The following PLXNA2 variants were observed in gnomAD, a reference collection of about 807,000 sequenced individuals.
The protein encoded by PLXNA2 is plexin A2, also known as plexin-A2.
Under a neutral mutation model 193.5 loss-of-function variants are expected in PLXNA2, and 91 were observed. That is an observed-to-expected ratio of 0.47 (90% CI 0.40 to 0.56). The LOEUF (loss-of-function observed/expected upper bound fraction) is 0.56, where lower values mean the gene tolerates loss of function less well. PLXNA2 is among the 20% of genes least tolerant of loss of function. The probability of loss-of-function intolerance (pLI) is 0.00; values close to 1 mark genes in which losing one functional copy is unlikely to be tolerated. For synonymous variants in PLXNA2, 997 were observed against 1,027.3 expected (o/e 0.97, Z 0.56); for missense variants, 1,995 against 2,503.2 (o/e 0.80, Z 4.33).
intron 4 of PLXNA2, among the ~76,000 whole-genome samples, chr1:208,112,160 A>C (rs1312146984): frequency 6.6e-6 from 1 of 152,166 alleles, no homozygotes; most frequent in Non-Finnish European, 1.5e-5. Context: ...TTTCCTCCTC[A>C]TTCATAAAAA....
chr1:208,092,368 T>G (rs1451860004), intron 9 of PLXNA2, among the ~76,000 whole-genome samples: 1 of 152,208 alleles, frequency 6.6e-6, no homozygotes, highest in Non-Finnish European at 1.5e-5. Context: ...GGAAGAGAAG[T>G]TGGCATGAAA....
chr1:208,046,953 A>G (rs1665090270), intron 17 of PLXNA2, among the ~76,000 whole-genome samples: 1 of 151,874 alleles, frequency 6.6e-6, no homozygotes, highest in South Asian at 2.1e-4. Flanking sequence ...GCAACTCTCT[A>G]AATGTTTTTT....
chr1:208,084,495 G>T lies in PLXNA2; in HGVS notation c.2183C>A (p.Pro728His). 1 of 1,614,224 alleles carries T rather than the reference G, an allele frequency of 6.2e-7. No individual in the cohort carries two copies. Among genetic ancestry groups the T allele is most frequent in the Non-Finnish European group, 8.5e-7 (1 of 1,180,034 alleles). The stretch of plus-strand genomic sequence containing the variant: ...GCCTCGCTGGCCGGACTGCGGCTGG[G>T]GCAGATTTCGCGCCTTAAGGGTGAT... ...KPITLKARNLPQPQSGQRGYE... is the reference protein window; with the variant it reads ...KPITLKARNLHQPQSGQRGYE... Residue 728 changes from proline to histidine, a missense_variant, in exon 10 of 32, where the codon CCC becomes CAC. Coordinates refer to ENST00000367033, the MANE Select transcript of PLXNA2 (RefSeq NM_025179.4).
At chr1:208,039,971 C>A in intron 23 of PLXNA2, 21 bp downstream of exon 23, 1 of 1,612,690 alleles carries the variant, frequency 6.2e-7, no homozygotes, top group Non-Finnish European at 8.5e-7. Flanking sequence ...ACGCTAGGCC[C>A]CGTCTCACTC....
chr1:208,210,794 A>G (rs1483830446), intron 2 of PLXNA2, among the ~76,000 whole-genome samples: 1 of 152,228 alleles, frequency 6.6e-6, no homozygotes, highest in African/African-American at 2.4e-5. Context: ...AATGTTCCTC[A>G]GGACCATGGC....
chr1:208,188,589 A>G (rs954109074), intron 3 of PLXNA2, among the ~76,000 whole-genome samples: 3 of 151,960 alleles, frequency 2.0e-5, no homozygotes, highest in Non-Finnish European at 4.4e-5. Flanking sequence ...GTTGCCTGTA[A>G]TCCCAGCTAC....
At chr1:208,029,114 T>A (rs761921347) in intron 29 of PLXNA2, 72 bp from the exon 30 acceptor site, 33 of 1,582,706 alleles carry the variant, frequency 2.1e-5, no homozygotes, top group Non-Finnish European at 2.8e-5. Flanking sequence ...CTGATATTCT[T>A]CCCCATCAAA....
rs765583851 is a variant in PLXNA2, at chr1:208,133,734, C to T, written c.1506+8595G>A. On this transcript the variant is annotated intron_variant, in intron 4 of 31. Coordinates refer to ENST00000367033, the MANE Select transcript of PLXNA2 (RefSeq NM_025179.4). ...TTTTAAACACAGTGTTCACTCTTGT[C>T]TGTGCTGAGTGAAACTGTTGTCAAG... 5.9e-5 allele frequency among the ~76,000 whole-genome samples: 9 copies of T among 152,328 alleles called. No homozygotes were observed. The South Asian group carries it at 8.3e-4, about 14-fold the overall frequency.
chr1:208,107,417 A>G (rs1667304728), intron 4 of PLXNA2, among the ~76,000 whole-genome samples: 1 of 152,232 alleles, frequency 6.6e-6, no homozygotes, highest in South Asian at 2.1e-4. Flanking sequence ...GGGGAAGGCA[A>G]CAGTGCTCTG....
intron 3 of PLXNA2, among the ~76,000 whole-genome samples, chr1:208,203,953 A>G (rs1281011810): frequency 6.6e-6 from 1 of 152,226 alleles, no homozygotes; most frequent in Non-Finnish European, 1.5e-5. Flanking sequence ...CTAAGCTGCT[A>G]CTGCAAGAAG....
At chr1:208,049,178 ACCCCTGGGG>A (rs1665171254) in intron 17 of PLXNA2, among the ~76,000 whole-genome samples, 1 of 151,966 alleles carries the variant, frequency 6.6e-6, no homozygotes, top group South Asian at 2.1e-4. Context: ...TCCCCCTGTG[ACCCCTGGGG>A]CATGGACTTC....
In PLXNA2 at chr1:208,042,110, A is replaced by C; in HGVS notation, c.4274T>G (p.Leu1425Arg). 1 of 1,613,944 alleles carries C rather than the reference A, an allele frequency of 6.2e-7. No homozygotes were observed. The highest frequency in any genetic ancestry group is 8.5e-7 in the Non-Finnish European group (1 of 1,179,906). Residue 1425 changes from leucine (L) to arginine (R), a missense_variant, in exon 22 of 32, where the codon CTG becomes CGG. This residue lies in a region of PLXNA2 where 1,291 missense variants were observed against 1,673.6 expected (regional missense o/e 0.77). Transcript: ENST00000367033. ...KNLENKNHPK[L>R]LLRRTESVAE... ...CTGCGGGCCAGACCTCCGGAGTAGC[A>C]GCTTGGGGTGGTTCTTGTTCTCCAG...
At chr1:208,239,799 A>G (rs1671988152) in intron 1 of PLXNA2, among the ~76,000 whole-genome samples, 1 of 152,210 alleles carries the variant, frequency 6.6e-6, no homozygotes, top group South Asian at 2.1e-4. Context: ...ACAACTGGCA[A>G]TGCCTGGGTA....
intron 22 of PLXNA2, among the ~76,000 whole-genome samples, chr1:208,041,514 C>T (rs981889657): frequency 6.6e-5 from 10 of 152,178 alleles, no homozygotes; most frequent in South Asian, 4.1e-4. Flanking sequence ...CTCAGTGCTG[C>T]GCAATAGAAC....
At chr1:208,146,376 C>G (rs2007188) in intron 3 of PLXNA2, among the ~76,000 whole-genome samples, 135,857 of 152,246 alleles carry the variant, frequency 0.89, 60,914 homozygotes, top group East Asian at 1. Flanking sequence ...ATAAAAATTA[C>G]TGGAGCTAAT....
rs541078568 is a variant in PLXNA2 at position 208,040,019 on chromosome 1, G to A, written c.4326C>T (p.Phe1442=). The A allele has an allele frequency of 1.5e-5, 25 of 1,614,114 alleles. No individual in the cohort carries two copies. Among genetic ancestry groups the A allele is most frequent in the South Asian group, 8.8e-5 (8 of 91,074 alleles). ...TTAGGAACTTGTGCAGGAGGAAGGC[G>A]AACCAATTGGTCAGCATCTTTTCAG... ...SVAEKMLTNW[F]AFLLHKFLKE... The change falls in exon 23 of 32, where the codon TTC becomes TTT. Residue 1442 remains phenylalanine (F), a synonymous_variant. Transcript: ENST00000367033.
chr1:208,210,155 C>T (rs952684507), intron 3 of PLXNA2, 125 bp downstream of exon 3: 1 of 1,017,976 alleles, frequency 9.8e-7, no homozygotes. Flanking sequence ...CTCCCCATTT[C>T]ACCTTTGTTC....
At chr1:208,193,546 G>A (rs573072537) in intron 3 of PLXNA2, among the ~76,000 whole-genome samples, 2 of 152,278 alleles carry the variant, frequency 1.3e-5, no homozygotes, top group South Asian at 2.1e-4. Context: ...GGCAATATAT[G>A]TATATTTATG....
intron 4 of PLXNA2, among the ~76,000 whole-genome samples, chr1:208,141,573 T>G (rs1210841885): frequency 2.0e-5 from 3 of 152,184 alleles, no homozygotes; most frequent in Non-Finnish European, 4.4e-5. Flanking sequence ...GAACAACTAT[T>G]AACCCACTGA....
Sources: allele counts gnomAD v4.1 joint callset (sites outside exome capture counted in the v4.1 genomes callset), GRCh38; gene constraint gnomAD v4.1.1; regional missense constraint gnomAD v4.1.1; transcripts MANE v1.5; gene names NCBI Gene and HGNC (gene_info 2026-07-23, HGNC 2026-07-21).